PDE1A: variants seen among roughly 807,000 people sequenced by gnomAD.
The protein encoded by PDE1A is phosphodiesterase 1A.
In PDE1A, 35 loss-of-function variants were observed where a neutral mutation model predicts 61.7. The ratio of observed to expected loss-of-function variants is 0.57; its 90% CI spans 0.43 to 0.75. PDE1A has a LOEUF of 0.75. PDE1A is among the 30% of genes least tolerant of loss of function. PDE1A has a pLI of 0.00. For missense variants in PDE1A, 597 were observed against 630.6 expected (o/e 0.95, Z 0.57); for synonymous variants, 232 against 213.2 (o/e 1.09, Z -0.77).
chr2:182,622,231 T>A, the PDE1A span, among the ~76,000 whole-genome samples: 1,903 of 152,350 alleles, frequency 0.012, 13 homozygotes, highest in Middle Eastern at 0.02. Context: ...AAACCCTAGC[T>A]GCATATTAAA....
chr2:182,417,131 T>G (rs1421489652), intron 1 of PDE1A, among the ~76,000 whole-genome samples: 1 of 152,254 alleles, frequency 6.6e-6, no homozygotes, highest in Admixed American at 6.5e-5. Context: ...AGCACTTGGC[T>G]GGCCAATGAA....
rs909180961 is a variant in PDE1A at position 182,246,226 on chromosome 2, TC to T, written c.168-5935del. On this transcript the variant is annotated intron_variant, in intron 2 of 13. Coordinates refer to ENST00000351439, the Ensembl canonical transcript of PDE1A. ...CAAAGCTGCCAAGCTTGCTTTTGCC[TC>T]AGGGCCTGTGTACTTGCTATTCACT... Among the ~76,000 whole-genome samples the T allele has an allele frequency of 2.0e-5, 3 of 152,150 alleles. 1 individual carries two copies. Among genetic ancestry groups the T allele is most frequent in the African/African-American group, 7.2e-5 (3 of 41,440 alleles).
At chr2:182,149,815 T>C (rs1242914739) in intron 13 of PDE1A, among the ~76,000 whole-genome samples, 1 of 152,170 alleles carries the variant, frequency 6.6e-6, no homozygotes, top group Non-Finnish European at 1.5e-5. Flanking sequence ...AACACCCATA[T>C]ACCAAGGTTC....
chr2:182,390,982 A>C (rs1299336234), intron 1 of PDE1A, among the ~76,000 whole-genome samples: 1 of 152,196 alleles, frequency 6.6e-6, no homozygotes, highest in Admixed American at 6.5e-5. Context: ...GTTTGCTTCT[A>C]GACCTACAAC....
chr2:182,287,025 T>C (rs962188966), intron 1 of PDE1A, among the ~76,000 whole-genome samples: 3 of 152,120 alleles, frequency 2.0e-5, no homozygotes, highest in Admixed American at 6.6e-5. Context: ...CCAAACTCCT[T>C]ACCTTGACTT....
intron 1 of PDE1A, among the ~76,000 whole-genome samples, chr2:182,410,698 T>TG (rs1210950251): frequency 2.0e-5 from 3 of 152,200 alleles, no homozygotes; most frequent in African/African-American, 7.2e-5. Flanking sequence ...TAATAAAACT[T>TG]GGAAGATATC....
intron 1 of PDE1A, among the ~76,000 whole-genome samples, chr2:182,377,545 A>G (rs569344562): frequency 2.1e-4 from 32 of 152,208 alleles, no homozygotes; most frequent in Non-Finnish European, 3.7e-4. Context: ...AGTGTTGACA[A>G]GAAAATGAAG....
At chr2:182,275,479 C>T (rs1448034468) in intron 1 of PDE1A, among the ~76,000 whole-genome samples, 3 of 152,110 alleles carry the variant, frequency 2.0e-5, no homozygotes, top group Admixed American at 1.3e-4. Context: ...CCGCAATACA[C>T]AGTACCCAGA....
chr2:182,262,414 C>T (rs926285861), intron 2 of PDE1A, among the ~76,000 whole-genome samples: 11 of 151,994 alleles, frequency 7.2e-5, no homozygotes, highest in South Asian at 2.1e-4. Flanking sequence ...TACAGACACA[C>T]GCCACAATGC....
intron 6 of PDE1A, among the ~76,000 whole-genome samples, chr2:182,226,372 T>G (rs1282690244): frequency 6.7e-6 from 1 of 149,802 alleles, no homozygotes; most frequent in South Asian, 2.1e-4. Context: ...TAAATAGTAC[T>G]TTCTCCACAA....
intron 1 of PDE1A, among the ~76,000 whole-genome samples, chr2:182,378,485 T>C (rs943186572): frequency 2.6e-5 from 4 of 152,222 alleles, no homozygotes; most frequent in African/African-American, 9.7e-5. Flanking sequence ...ATATAGTATA[T>C]AAATTACACC....
intron 6 of PDE1A, among the ~76,000 whole-genome samples, chr2:182,229,624 C>A (rs770323096): frequency 6.6e-6 from 1 of 152,016 alleles, no homozygotes; most frequent in Non-Finnish European, 1.5e-5. Flanking sequence ...AGAGCAAAAG[C>A]GACTAAGGTC....
chr2:182,371,645 G>A (rs1246929519), intron 1 of PDE1A, among the ~76,000 whole-genome samples: 1 of 152,136 alleles, frequency 6.6e-6, no homozygotes, highest in African/African-American at 2.4e-5. Context: ...GGATAAAAAT[G>A]ACTCCTCTCA....
chr2:182,366,966 A>G (rs1484931044), intron 1 of PDE1A, among the ~76,000 whole-genome samples: 1 of 152,072 alleles, frequency 6.6e-6, no homozygotes, highest in East Asian at 1.9e-4. Flanking sequence ...ATAATCGTAA[A>G]TCTGACAAAA....
the PDE1A span, among the ~76,000 whole-genome samples, chr2:182,539,428 C>T: frequency 6.6e-6 from 1 of 152,066 alleles, no homozygotes; most frequent in African/African-American, 2.4e-5. Flanking sequence ...TCAGAGACAG[C>T]CCAGGATTTA....
At chr2:182,460,306 G>T (rs557464563) in intron 2 of PDE1A, among the ~76,000 whole-genome samples, 1 of 152,044 alleles carries the variant, frequency 6.6e-6, no homozygotes, top group South Asian at 2.1e-4. Context: ...CCTCAAGACA[G>T]GTCAAGCCTC....
At chr2:182,363,070 G>A (rs1266029371) in intron 1 of PDE1A, among the ~76,000 whole-genome samples, 1 of 151,916 alleles carries the variant, frequency 6.6e-6, no homozygotes, top group African/African-American at 2.4e-5. Flanking sequence ...GGAGGATGGA[G>A]GGCAGGAGGA....
the PDE1A span, among the ~76,000 whole-genome samples, chr2:182,689,437 A>G: frequency 3.9e-5 from 6 of 152,338 alleles, no homozygotes; most frequent in African/African-American, 1.4e-4. Context: ...TACTGGGTAC[A>G]TAACAAAATG....
At chr2:182,229,265 T>A (rs932901122) in intron 6 of PDE1A, among the ~76,000 whole-genome samples, 1 of 152,124 alleles carries the variant, frequency 6.6e-6, no homozygotes, top group Non-Finnish European at 1.5e-5. Flanking sequence ...AATGGCATTT[T>A]CTCACTGCAC....
Sources: gnomAD v4.1 joint callset for allele counts (sites outside exome capture counted in the v4.1 genomes callset) on GRCh38, gnomAD v4.1.1 for gene constraint, MANE v1.5 for transcripts, NCBI Gene and HGNC (gene_info 2026-07-23, HGNC 2026-07-21) for gene names.